Variants in RESF1 observed in about 807,000 individuals in gnomAD.
The protein encoded by RESF1 is gonad expressed transcript.
RESF1 carries 65 observed loss-of-function variants against 134.7 expected under a neutral mutation model. That is an observed-to-expected ratio of 0.48 (90% CI 0.40 to 0.59). The LOEUF (loss-of-function observed/expected upper bound fraction) is 0.59, where lower values mean the gene tolerates loss of function less well. Among genes scored for constraint, RESF1 ranks in the 20% least tolerant of loss-of-function variants. The pLI, the probability that RESF1 is intolerant of heterozygous loss-of-function variation, is 0.00. For missense variants in RESF1, 2,274 were observed against 2,002.7 expected (o/e 1.14, Z -2.59); for synonymous variants, 762 against 702.2 (o/e 1.09, Z -1.35).
chr12:31,983,380 A>G lies in RESF1; in HGVS notation c.2425A>G (p.Lys809Glu). ...SLQNQLAENA[K>E]ATAALKVDVS... ...ACAAAATCAATTGGCAGAAAATGCA[A>G]AGGCAACTGCTGCTTTGAAAGTTGA... Residue 809 changes from lysine to glutamate, a missense_variant, in exon 4 of 6, where the codon AAG becomes GAG. Transcript: ENST00000312561. 6.2e-7 allele frequency: 1 copy of G among 1,614,054 alleles called. No individual in the cohort carries two copies. Among genetic ancestry groups the G allele is most frequent in the African/African-American group, 1.3e-5 (1 of 75,054 alleles).
At chr12:31,973,060 T>TA (rs1300872656) in intron 3 of RESF1, among the ~76,000 whole-genome samples, 1 of 152,176 alleles carries the variant, frequency 6.6e-6, no homozygotes, top group Non-Finnish European at 1.5e-5. Flanking sequence ...AAATTCTTTT[T>TA]AAAAGTATTT....
Position 31,984,577 on chromosome 12 carries a change from TCTC to T in RESF1, c.3625_3627del (p.Pro1209del). On this transcript the variant is annotated inframe_deletion, in exon 4 of 6. Coordinates refer to ENST00000312561, the MANE Select transcript of RESF1 (RefSeq NM_018169.4). ...GGAAGAGAAACAAAAAGAGCAGTGTTCTCCTTTGGATACCAACAGTTGTAAACA... is the reference window on the plus strand; with the variant it reads ...GGAAGAGAAACAAAAAGAGCAGTGTTCTTTGGATACCAACAGTTGTAAACA... 2.5e-6 allele frequency: 4 copies of T among 1,586,462 alleles called. No individual in the cohort carries two copies. Among genetic ancestry groups the T allele is most frequent in the Non-Finnish European group, 3.4e-6 (4 of 1,168,890 alleles).
At chr12:31,961,750 A>G (rs1277154456) in intron 2 of RESF1, among the ~76,000 whole-genome samples, 1 of 152,194 alleles carries the variant, frequency 6.6e-6, no homozygotes, top group East Asian at 1.9e-4. Flanking sequence ...ATTTACCTGC[A>G]GGCTTGTTTG....
intron 3 of RESF1, among the ~76,000 whole-genome samples, chr12:31,973,964 A>G (rs1354064853): frequency 2.0e-5 from 3 of 152,130 alleles, no homozygotes; most frequent in Non-Finnish European, 4.4e-5. Flanking sequence ...ACTGCCCCTG[A>G]CTTCGCCAGA....
intron 4 of RESF1, among the ~76,000 whole-genome samples, chr12:31,986,212 A>G (rs944258972): frequency 1.3e-5 from 2 of 152,244 alleles, no homozygotes; most frequent in African/African-American, 4.8e-5. Flanking sequence ...CCAGATAGAA[A>G]TATTTCAGTT....
In RESF1 at chr12:31,983,771, C is replaced by G. The variant is rs1343911160; in HGVS notation, c.2816C>G (p.Pro939Arg). The change falls in exon 4 of 6, where the codon CCA becomes CGA. Residue 939 changes from proline (P) to arginine (R), a missense_variant. Pro to Arg is a moderately radical substitution (Grantham distance 103). Transcript: ENST00000312561. ...PNQQGIGSRE[P>R]EKQLDNTTEN... is the part of the protein sequence containing the mutation. Reference sequence around the variant, plus strand: ...CAGCAAGGGATTGGCAGCAGAGAACCAGAAAAACAATTAGATAATACCACT... The same window carrying G: ...CAGCAAGGGATTGGCAGCAGAGAACGAGAAAAACAATTAGATAATACCACT... 1 of 1,613,290 alleles carries G rather than the reference C, an allele frequency of 6.2e-7. No homozygotes were observed. Among genetic ancestry groups the G allele is most frequent in the Non-Finnish European group, 8.5e-7 (1 of 1,179,932 alleles).
At position 31,982,941 on chromosome 12, in the gene RESF1, T is replaced by C; in HGVS notation, c.1986T>C (p.Ala662=). 1.2e-6 allele frequency: 2 copies of C among 1,614,102 alleles called. No homozygotes were observed. The highest frequency in any genetic ancestry group is 2.2e-5 in the East Asian group (1 of 44,880). ...AATCCTCAACAAAAGGAATGCCTGC[T>C]AAAAGTGACAGTAGCTGTTCCATGG... The part of the protein sequence containing the change: ...GQESSTKGMP[A]KSDSSCSMEV... Residue 662 remains alanine (A), a synonymous_variant, in exon 4 of 6, where the codon GCT becomes GCC. Coordinates refer to ENST00000312561, the MANE Select transcript of RESF1 (RefSeq NM_018169.4).
intron 2 of RESF1, among the ~76,000 whole-genome samples, chr12:31,965,788 G>A (rs1939385605): frequency 6.6e-6 from 1 of 151,948 alleles, no homozygotes; most frequent in African/African-American, 2.4e-5. Context: ...CTGCTGGGGA[G>A]GCTGAGGCAG....
At position 31,981,879 on chromosome 12, in the gene RESF1, T is replaced by C; in HGVS notation, c.924T>C (p.Ser308=). ...ACTTGTCTATGGAAGTTCCTCAGAG[T>C]CGAGAAATGCTGTCATCTGAAATAA... ...TKHLSMEVPQ[S]REMLSSEIRT... The change falls in exon 4 of 6, where the codon AGT becomes AGC. Residue 308 remains serine, a synonymous_variant. Coordinates refer to ENST00000312561, the MANE Select transcript of RESF1 (RefSeq NM_018169.4). 1 of 1,614,038 alleles carries C rather than the reference T, an allele frequency of 6.2e-7. No individual in the cohort carries two copies. The highest frequency in any genetic ancestry group is 8.5e-7 in the Non-Finnish European group (1 of 1,179,986).
chr12:31,962,353 G>A (rs1939292481), intron 2 of RESF1: 1 of 152,116 alleles, frequency 6.6e-6, no homozygotes, highest in African/African-American at 2.4e-5. Flanking sequence ...GATAAGTCCA[G>A]GATAACAGTT....
intron 5 of RESF1, among the ~76,000 whole-genome samples, chr12:31,989,396 C>CA (rs34529486): frequency 0.21 from 20,168 of 98,056 alleles, 2,671 homozygotes; most frequent in Non-Finnish European, 0.25. Flanking sequence ...AGTCTTGTCT[C>CA]AAAAAAAAAA....
chr12:31,978,728 T>G (rs1001622276), intron 3 of RESF1, among the ~76,000 whole-genome samples: 12 of 131,580 alleles, frequency 9.1e-5, no homozygotes, highest in African/African-American at 3.4e-4. Flanking sequence ...TTTTTTTTTT[T>G]TTTTTGTATA....
chr12:31,973,302 A>G (rs1266539696), intron 3 of RESF1, among the ~76,000 whole-genome samples: 1 of 147,836 alleles, frequency 6.8e-6, no homozygotes. Context: ...CCACATACAC[A>G]TGGATTTGAC....
Position 31,984,949 on chromosome 12 carries a change from C to G in RESF1, c.3994C>G (p.Arg1332Gly), listed in dbSNP as rs538266903. ...GAAGAAACATGTAACACAGAACTCA[C>G]GTCCACTAAAAACAAAAACAGCTTT... ...RQKKHVTQNSRPLKTKTAFLP... is the reference protein window; with the variant it reads ...RQKKHVTQNSGPLKTKTAFLP... Residue 1332 changes from arginine to glycine, a missense_variant, in exon 4 of 6, where the codon CGT (arginine) becomes GGT (glycine). Physicochemically the swap from Arg to Gly is moderately radical, Grantham distance 125 (BLOSUM62 -2). Transcript: ENST00000312561. 5.6e-6 allele frequency: 9 copies of G among 1,613,338 alleles called. No individual in the cohort carries two copies. Among genetic ancestry groups the G allele is most frequent in the South Asian group, 2.2e-5 (2 of 90,722 alleles).
At position 31,982,668 on chromosome 12, in the gene RESF1, G is replaced by A; in HGVS notation, c.1713G>A (p.Glu571=). 6.2e-7 allele frequency: 1 copy of A among 1,614,026 alleles called. No homozygotes were observed. The highest frequency in any genetic ancestry group is 2.2e-5 in the East Asian group (1 of 44,880). Reference sequence around the variant, plus strand: ...CTGTTCCCAAGTCCATGTCCACTGAGGAATATAAATCAAAAATTCAAAATG... The same window carrying A: ...CTGTTCCCAAGTCCATGTCCACTGAAGAATATAAATCAAAAATTCAAAATG... ...TISVPKSMST[E]EYKSKIQNEN... Residue 571 remains glutamate (E), a synonymous_variant, in exon 4 of 6, where the codon GAG becomes GAA. Transcript: ENST00000312561.
chr12:31,975,055 A>G (rs193010262), intron 3 of RESF1, among the ~76,000 whole-genome samples: 6 of 151,726 alleles, frequency 4.0e-5, no homozygotes, highest in African/African-American at 1.5e-4. Flanking sequence ...CAGGCAGATC[A>G]TGAGGTCAGG....
At chr12:31,961,780 A>AT (rs1229328023) in intron 2 of RESF1, among the ~76,000 whole-genome samples, 1 of 152,204 alleles carries the variant, frequency 6.6e-6, no homozygotes, top group East Asian at 1.9e-4. Flanking sequence ...ATGCCTCCAA[A>AT]TTCCTAGGCA....
intron 5 of RESF1, among the ~76,000 whole-genome samples, chr12:31,988,576 G>T (rs1192429103): frequency 6.6e-6 from 1 of 152,148 alleles, no homozygotes; most frequent in African/African-American, 2.4e-5. Context: ...CCTGGAATCA[G>T]TCCCTCTTCA....
chr12:31,966,879 T>C (rs551650001), intron 2 of RESF1, among the ~76,000 whole-genome samples: 2 of 151,932 alleles, frequency 1.3e-5, no homozygotes, highest in African/African-American at 4.8e-5. Flanking sequence ...GAAGGCAGAG[T>C]TGTAGGTGAA....
Sources: allele counts gnomAD v4.1 joint callset (sites outside exome capture counted in the v4.1 genomes callset), GRCh38; gene constraint gnomAD v4.1.1; transcripts MANE v1.5; gene names NCBI Gene and HGNC (gene_info 2026-07-23, HGNC 2026-07-21).